PDGFA: variants seen among roughly 807,000 people sequenced by gnomAD.
PDGFA encodes the protein platelet derived growth factor subunit A.
PDGFA carries 9 observed loss-of-function variants against 25.6 expected under a neutral mutation model. The ratio of observed to expected loss-of-function variants is 0.35; its 90% confidence interval spans 0.21 to 0.61. The LOEUF is 0.61. Ranked by LOEUF, PDGFA falls within the 20% of genes least tolerant of loss-of-function variation. The pLI, the probability that PDGFA is intolerant of heterozygous loss-of-function variation, is 0.75. For synonymous variants in PDGFA, 133 were observed against 111.8 expected (o/e 1.19, Z -1.20); for missense variants, 242 against 272.8 (o/e 0.89, Z 0.79).
intron 4 of PDGFA, among the ~76,000 whole-genome samples, chr7:504,378 T>C (rs1426936298): frequency 6.6e-6 from 1 of 151,740 alleles, no homozygotes; most frequent in Non-Finnish European, 1.5e-5. Context: ...CCCCCAGCCC[T>C]GCAAGCATGT....
In PDGFA at chr7:500,917, T is replaced by C. The variant is rs2128390093; in HGVS notation, c.580+199A>G. 2 of 1,587,158 alleles carry C rather than the reference T, an allele frequency of 1.3e-6. No individual in the cohort carries two copies. The highest frequency in any genetic ancestry group is 4.5e-5 in the East Asian group (2 of 44,368). ...GCCAGTGCCGCAGCTTGGGCCACCC[T>C]CCCCACCGGACACCTGCAGGTGTGG... On this transcript the variant is annotated intron_variant, in intron 5 of 5. Transcript: ENST00000402802. The surrounding 1 kb of genome is among the most constrained non-coding windows in gnomAD (Gnocchi z 5.0).
intron 4 of PDGFA, among the ~76,000 whole-genome samples, chr7:508,630 A>G (rs1010222190): frequency 6.7e-6 from 1 of 149,816 alleles, no homozygotes; most frequent in Non-Finnish European, 1.5e-5. Context: ...AGTCAAAGCA[A>G]CAGCCTCCTG....
intron 3 of PDGFA, among the ~76,000 whole-genome samples, chr7:511,201 C>T (rs1277732600): frequency 7.0e-6 from 1 of 142,328 alleles, no homozygotes; most frequent in Non-Finnish European, 1.5e-5. Flanking sequence ...GAGCCCAGCC[C>T]GGTGCCTGCA....
chr7:503,443 G>A (rs1782437104), intron 4 of PDGFA, among the ~76,000 whole-genome samples: 1 of 152,138 alleles, frequency 6.6e-6, no homozygotes, highest in Non-Finnish European at 1.5e-5. Context: ...AATGCACGCT[G>A]CTGGGTGAAT....
At chr7:505,462 C>A (rs1782519635) in intron 4 of PDGFA, among the ~76,000 whole-genome samples, 1 of 152,226 alleles carries the variant, frequency 6.6e-6, no homozygotes, top group Admixed American at 6.5e-5. Context: ...CCTACTGCTA[C>A]AAAGCCCAGA....
chr7:501,385 G>T, intron 4 of PDGFA, 143 bp from the exon 5 acceptor site: 1 of 1,003,750 alleles, frequency 1.0e-6, no homozygotes, highest in Non-Finnish European at 1.5e-6. Flanking sequence ...CCTTGTGGTG[G>T]GGAGTGTAGC....
rs538725417 is a variant in PDGFA, at chr7:516,317, C to A, written c.160+1077G>T. On this transcript the variant is annotated intron_variant, in intron 2 of 5. Coordinates refer to ENST00000402802, the Ensembl canonical transcript of PDGFA. ...GTTTTGGCATGAAACGAAAATAGTTCAGGCCTCTCCACCACCATAATTAGG... is the reference window on the plus strand; with the variant it reads ...GTTTTGGCATGAAACGAAAATAGTTAAGGCCTCTCCACCACCATAATTAGG... 5.9e-5 allele frequency among the ~76,000 whole-genome samples: 9 copies of A among 151,552 alleles called. No individual in the cohort carries two copies. In the South Asian group the frequency reaches 1.7e-3, roughly 28 times the overall value.
intron 2 of PDGFA, 100 bp from the exon 3 acceptor site, chr7:512,555 G>C (rs752538499): frequency 2.4e-5 from 38 of 1,582,480 alleles, no homozygotes; most frequent in East Asian, 9.2e-5. Context: ...GGGAGCCACT[G>C]GGGAACAGGC....
intron 2 of PDGFA, among the ~76,000 whole-genome samples, chr7:514,783 C>G (rs1193804448): frequency 6.6e-6 from 1 of 152,266 alleles, no homozygotes; most frequent in Non-Finnish European, 1.5e-5. Flanking sequence ...ACAGGACAAA[C>G]AGGCCCTAAA....
intron 4 of PDGFA, among the ~76,000 whole-genome samples, chr7:506,413 C>T (rs112004216): frequency 0.015 from 2,276 of 152,198 alleles, 59 homozygotes; most frequent in African/African-American, 0.051. Flanking sequence ...ACCTCCACTC[C>T]GCCCACCTAG....
In PDGFA at chr7:510,793, G is replaced by GGAGGA; in HGVS notation, c.453+15_453+16insTCCTC. On this transcript the variant is annotated intron_variant, in intron 4 of 5. Coordinates refer to ENST00000402802, the Ensembl canonical transcript of PDGFA. ...GGAGGGGAGGGGAGGGGAGGGGAGG[G>GGAGGA]GAGGGGAGGGCTCACCTTGACGCTG... 4.6e-6 allele frequency: 6 copies of GGAGGA among 1,318,546 alleles called. No individual in the cohort carries two copies. The highest frequency in any genetic ancestry group is 3.9e-5 in the South Asian group (3 of 76,900). The allele number at this position is 1,318,546 out of a possible 1,614,324, so 81.7% of individuals were successfully genotyped here. A position where few individuals can be genotyped will look rare whatever the true frequency, so the allele number is the denominator to read the frequency against.
chr7:511,697 G>A (rs1324504862), intron 3 of PDGFA, among the ~76,000 whole-genome samples: 2 of 152,176 alleles, frequency 1.3e-5, no homozygotes, highest in African/African-American at 4.8e-5. Context: ...AACCCATCAG[G>A]TGGGACCCCC....
At chr7:499,525 G>A (rs563419979) in intron 5 of PDGFA, among the ~76,000 whole-genome samples, 1 of 152,356 alleles carries the variant, frequency 6.6e-6, no homozygotes, top group East Asian at 1.9e-4. Context: ...CAATGCCAAG[G>A]ACCAGGAAGG....
intron 2 of PDGFA, chr7:512,830 C>A: frequency 2.7e-6 from 1 of 373,456 alleles, no homozygotes; most frequent in Non-Finnish European, 5.0e-6. Flanking sequence ...GGCCTGAGGC[C>A]GCCCAGCTCC....
Position 498,724 on chromosome 7 carries a change from A to C in PDGFA, c.581-150T>G. On this transcript the variant is annotated intron_variant, in intron 5 of 5. Coordinates refer to ENST00000402802, the Ensembl canonical transcript of PDGFA. Reference sequence around the variant, plus strand: ...TTCAAGTTTTCAAGAAATTTCCAGAATCACATTTGCCACATTGGCCATGTT... The same window carrying C: ...TTCAAGTTTTCAAGAAATTTCCAGACTCACATTTGCCACATTGGCCATGTT... The C allele has an allele frequency of 3.9e-6, 3 of 770,840 alleles. No homozygotes were observed. In the South Asian group the frequency reaches 4.6e-5, roughly 12 times the overall value. The allele number at this position is 770,840 out of a possible 1,614,324, so 47.8% of individuals were successfully genotyped here.
Position 517,411 on chromosome 7 carries a change from A to G in PDGFA, c.143T>C (p.Leu48Pro). The G allele has an allele frequency of 7.2e-7, 1 of 1,386,898 alleles. No individual in the cohort carries two copies. The highest frequency in any genetic ancestry group is 9.5e-7 in the Non-Finnish European group (1 of 1,055,034). The allele number at this position is 1,386,898 out of a possible 1,614,324, so 85.9% of individuals were successfully genotyped here. A position where few individuals can be genotyped will look rare whatever the true frequency, so the allele number is the denominator to read the frequency against. ...CGATTTACCTACGGAGTCTATCTCC[A>G]GGAGTCGCTGGAGGTCCCGGATGCT... is the stretch of plus-strand genomic sequence containing the variant. The change falls in exon 2 of 6, where the codon CTG (leucine) becomes CCG (proline). Residue 48 changes from leucine to proline, a missense_variant. Coordinates refer to ENST00000402802, the Ensembl canonical transcript of PDGFA. The surrounding 1 kb of genome is among the most constrained non-coding windows in gnomAD (Gnocchi z 7.4).
At chr7:506,714 C>T (rs1782579299) in intron 4 of PDGFA, among the ~76,000 whole-genome samples, 1 of 152,120 alleles carries the variant, frequency 6.6e-6, no homozygotes, top group African/African-American at 2.4e-5. Flanking sequence ...GTCCAGGCAC[C>T]AAGAGCTAAC....
Position 512,724 on chromosome 7 carries a change from G to GA in PDGFA, c.161-270dup. The GA allele has an allele frequency of 3.1e-6, 4 of 1,285,274 alleles. No individual in the cohort carries two copies. In the South Asian group the frequency reaches 5.9e-5, roughly 19 times the overall value. 79.6% of individuals were successfully genotyped at this position (1,285,274 alleles called of 1,614,324 possible). ...GTCCCCACATTCAGGGGCCCGTGAC[G>GA]AAGCGCAGGGCCCTTCGGGGAAGAG... On this transcript the variant is annotated intron_variant, in intron 2 of 5. Coordinates refer to ENST00000402802, the Ensembl canonical transcript of PDGFA.
chr7:515,324 G>C (rs1783039708), intron 2 of PDGFA, among the ~76,000 whole-genome samples: 1 of 152,160 alleles, frequency 6.6e-6, no homozygotes, highest in Non-Finnish European at 1.5e-5. Flanking sequence ...CCAGGACCCG[G>C]AGGGATGCTT....
Sources: gnomAD v4.1 joint callset for allele counts (sites outside exome capture counted in the v4.1 genomes callset) on GRCh38, gnomAD v4.1.1 for gene constraint, Gnocchi (gnomAD v3.1) non-coding constraint, MANE v1.5 for transcripts, NCBI Gene and HGNC (gene_info 2026-07-23, HGNC 2026-07-21) for gene names.